NT5DC1: variants seen among roughly 807,000 people sequenced by gnomAD.
The protein encoded by NT5DC1 is 5'-nucleotidase domain-containing protein 1.
Under a neutral mutation model 59.4 loss-of-function variants are expected in NT5DC1, and 42 were observed. The ratio of observed to expected loss-of-function variants is 0.71; its 90% CI spans 0.55 to 0.92. The LOEUF is 0.92. Among genes scored for constraint, NT5DC1 ranks in the 40% least tolerant of loss-of-function variants. The pLI, the probability that NT5DC1 is intolerant of heterozygous loss-of-function variation, is 0.00. For synonymous variants in NT5DC1, 172 were observed against 188.1 expected, an observed-to-expected ratio of 0.91 and a Z score of 0.70; for missense variants, 501 against 537.1, an observed-to-expected ratio of 0.93 and a Z score of 0.66.
rs1026797193 is a variant in NT5DC1, at chr6:116,161,004, T to G, written c.529+43059T>G. ...GGCACATATACACCATGGAATACTATGCAGCCATAAAAAATGATGAGTTCA... is the reference window on the plus strand; with the variant it reads ...GGCACATATACACCATGGAATACTAGGCAGCCATAAAAAATGATGAGTTCA... On this transcript the variant is annotated intron_variant, in intron 6 of 11. Coordinates refer to ENST00000319550, the MANE Select transcript of NT5DC1 (RefSeq NM_152729.3). 6.6e-5 allele frequency among the ~76,000 whole-genome samples: 10 copies of G among 151,846 alleles called. No homozygotes were observed. In the East Asian group the frequency reaches 1.9e-3, roughly 29 times the overall value.
At chr6:116,168,699 GTT>G (rs1183801600) in intron 6 of NT5DC1, among the ~76,000 whole-genome samples, 1 of 151,148 alleles carries the variant, frequency 6.6e-6, no homozygotes, top group Non-Finnish European at 1.5e-5. Flanking sequence ...ACTAGCTATT[GTT>G]TTTTTTAATT....
At chr6:116,142,514 G>A (rs989235013) in intron 6 of NT5DC1, among the ~76,000 whole-genome samples, 1 of 151,834 alleles carries the variant, frequency 6.6e-6, no homozygotes, top group African/African-American at 2.4e-5. Context: ...TGATTATTTG[G>A]TTGAAATTTG....
chr6:116,171,835 T>C (rs1478112890), intron 6 of NT5DC1, among the ~76,000 whole-genome samples: 2 of 152,188 alleles, frequency 1.3e-5, no homozygotes, highest in Non-Finnish European at 2.9e-5. Context: ...GTAAATTTAG[T>C]GTTTTGATAT....
intron 11 of NT5DC1, among the ~76,000 whole-genome samples, chr6:116,242,488 A>G (rs899530354): frequency 7.2e-5 from 11 of 151,936 alleles, no homozygotes; most frequent in Non-Finnish European, 1.6e-4. Context: ...TAACCAAAAA[A>G]AAAAAAAGAG....
At chr6:116,107,794 G>A (rs929062486) in intron 2 of NT5DC1, among the ~76,000 whole-genome samples, 3 of 151,894 alleles carry the variant, frequency 2.0e-5, no homozygotes, top group Non-Finnish European at 4.4e-5. Flanking sequence ...GGATGGTCTC[G>A]ATCTCCTGAC....
rs1778952415 is a variant in NT5DC1, at chr6:116,115,754, T to G, written c.428T>G (p.Val143Gly). The G allele has an allele frequency of 1.3e-6, 2 of 1,588,104 alleles. No homozygotes were observed. The highest frequency in any genetic ancestry group is 4.5e-5 in the East Asian group (2 of 44,710). ...GGAGCTCTTCTGTGTGCCAGGGTGG[T>G]GGACTATTTAACAAAAGTAAGTGGG... ...LPGALLCARV[V>G]DYLTKLNNGQ... Residue 143 changes from valine (V) to glycine (G), a missense_variant, in exon 5 of 12, where the codon GTG (valine) becomes GGG (glycine). By Grantham distance (109) the Val-to-Gly change is moderately radical. Transcript: ENST00000319550.
intron 6 of NT5DC1, among the ~76,000 whole-genome samples, chr6:116,178,297 A>G (rs1277271592): frequency 1.3e-5 from 2 of 152,148 alleles, no homozygotes; most frequent in Non-Finnish European, 2.9e-5. Flanking sequence ...TTCTGAGATC[A>G]GGTGACATTG....
At chr6:116,195,496 T>G (rs1781203830) in intron 6 of NT5DC1, among the ~76,000 whole-genome samples, 1 of 152,058 alleles carries the variant, frequency 6.6e-6, no homozygotes, top group East Asian at 1.9e-4. Flanking sequence ...AATATTCATT[T>G]TTAAGAATAG....
intron 8 of NT5DC1, among the ~76,000 whole-genome samples, chr6:116,225,324 C>T (rs1446871858): frequency 6.6e-6 from 1 of 152,098 alleles, no homozygotes; most frequent in East Asian, 1.9e-4. Context: ...GTAATCAGCT[C>T]ATAGATAGGT....
At chr6:116,124,803 G>A (rs1422304635) in intron 6 of NT5DC1, among the ~76,000 whole-genome samples, 1 of 152,136 alleles carries the variant, frequency 6.6e-6, no homozygotes, top group Non-Finnish European at 1.5e-5. Flanking sequence ...GAGAATTGCA[G>A]TTTCATTTGC....
At chr6:116,202,433 G>A (rs1344981913) in intron 6 of NT5DC1, among the ~76,000 whole-genome samples, 2 of 151,908 alleles carry the variant, frequency 1.3e-5, no homozygotes, top group African/African-American at 4.8e-5. Flanking sequence ...TTTTTTAGGG[G>A]AAACGAGGAA....
At chr6:116,187,909 G>GA (rs1434943344) in intron 6 of NT5DC1, among the ~76,000 whole-genome samples, 1 of 151,840 alleles carries the variant, frequency 6.6e-6, no homozygotes, top group Non-Finnish European at 1.5e-5. Flanking sequence ...TACTAAGAAC[G>GA]AAAGGGCAAG....
At chr6:116,102,305 C>A (rs1473697785) in intron 1 of NT5DC1, among the ~76,000 whole-genome samples, 1 of 152,162 alleles carries the variant, frequency 6.6e-6, no homozygotes, top group Non-Finnish European at 1.5e-5. Context: ...TTTTCTATGC[C>A]CAGATGCTAA....
chr6:116,165,026 G>A (rs1442674272), intron 6 of NT5DC1, among the ~76,000 whole-genome samples: 2 of 150,324 alleles, frequency 1.3e-5, no homozygotes, highest in African/African-American at 2.5e-5. Context: ...GAACCTGGGA[G>A]GCGGAGCTTG....
intron 6 of NT5DC1, among the ~76,000 whole-genome samples, chr6:116,202,661 T>C (rs1015880043): frequency 1.3e-5 from 2 of 151,994 alleles, no homozygotes; most frequent in African/African-American, 4.8e-5. Flanking sequence ...ATGATGTTTG[T>C]TAGGTTAAGA....
intron 6 of NT5DC1, among the ~76,000 whole-genome samples, chr6:116,160,580 G>T (rs1418453259): frequency 6.6e-6 from 1 of 151,852 alleles, no homozygotes; most frequent in Non-Finnish European, 1.5e-5. Context: ...TTGTCTATTT[G>T]CTGTGTTATT....
chr6:116,192,161 G>A (rs1245925637), intron 6 of NT5DC1, among the ~76,000 whole-genome samples: 1 of 151,984 alleles, frequency 6.6e-6, no homozygotes, highest in Non-Finnish European at 1.5e-5. Flanking sequence ...AATGGTGTGA[G>A]TTCAGAGTTA....
Position 116,121,043 on chromosome 6 carries a change from G to A in NT5DC1, c.529+3098G>A, listed in dbSNP as rs372281591. The A allele has an allele frequency of 1.2e-5, 20 of 1,613,962 alleles. No individual in the cohort carries two copies. The highest frequency in any genetic ancestry group is 1.7e-5 in the Non-Finnish European group (20 of 1,179,960). On this transcript the variant is annotated intron_variant, in intron 6 of 11. Coordinates refer to ENST00000319550, the MANE Select transcript of NT5DC1 (RefSeq NM_152729.3). ...TGGCCCTGTCTCACCTTTAGGGCCT[G>A]GGAGACCATGGCTACCCGGGATGCC...
chr6:116,221,961 A>G (rs1005611699), intron 7 of NT5DC1, among the ~76,000 whole-genome samples: 3 of 152,212 alleles, frequency 2.0e-5, no homozygotes, highest in African/African-American at 7.2e-5. Context: ...ATTCTACCTG[A>G]GTCATTAGGT....
Sources: gnomAD v4.1 joint callset for allele counts (sites outside exome capture counted in the v4.1 genomes callset) on GRCh38, gnomAD v4.1.1 for gene constraint, MANE v1.5 for transcripts, NCBI Gene and HGNC (gene_info 2026-07-23, HGNC 2026-07-21) for gene names.